HPSE2: variants seen among roughly 807,000 people sequenced by gnomAD.
The protein encoded by HPSE2 is inactive heparanase-2.
Under a neutral mutation model 60.5 loss-of-function variants are expected in HPSE2, and 38 were observed. That is an observed-to-expected ratio of 0.63 (90% CI 0.48 to 0.82). The LOEUF is 0.82. Ranked by LOEUF, HPSE2 falls within the 40% of genes least tolerant of loss-of-function variation. The pLI is 0.00. For missense variants in HPSE2, 713 were observed against 740.4 expected (o/e 0.96, Z 0.43); for synonymous variants, 295 against 293.2 (o/e 1.01, Z -0.06).
chr10:99,005,634 T>A (rs1956873863), intron 3 of HPSE2, among the ~76,000 whole-genome samples: 1 of 152,190 alleles, frequency 6.6e-6, no homozygotes, highest in Non-Finnish European at 1.5e-5. Context: ...TTGAACTGTT[T>A]TTTAGGCAGT....
chr10:98,574,116 G>T (rs566913349), intron 9 of HPSE2, among the ~76,000 whole-genome samples: 1 of 152,024 alleles, frequency 6.6e-6, no homozygotes, highest in African/African-American at 2.4e-5. Flanking sequence ...GCATATTCTG[G>T]ACATTTTGTA....
Position 99,009,621 on chromosome 10 carries a change from G to A in HPSE2, c.610+134617C>T, listed in dbSNP as rs1956968296. On this transcript the variant is annotated intron_variant, in intron 3 of 11. Coordinates refer to ENST00000370552, the MANE Select transcript of HPSE2 (RefSeq NM_021828.5). ...TTCCTGTAGCACCTGGTTTCCATAG[G>A]GGTTTCATGTCCAAGTCTGATTAAA... Among the ~76,000 whole-genome samples, 3 of 152,210 alleles carry A rather than the reference G, an allele frequency of 2.0e-5. No individual in the cohort carries two copies. In the East Asian group the frequency reaches 5.8e-4, roughly 29 times the overall value.
At chr10:98,589,574 G>T (rs1206167345) in intron 9 of HPSE2, among the ~76,000 whole-genome samples, 2 of 152,156 alleles carry the variant, frequency 1.3e-5, no homozygotes, top group Admixed American at 1.3e-4. Flanking sequence ...CCCAATAAAA[G>T]AAATCAGCCC....
chr10:98,771,246 T>C (rs1016297650), intron 3 of HPSE2, among the ~76,000 whole-genome samples: 5 of 152,202 alleles, frequency 3.3e-5, no homozygotes, highest in Non-Finnish European at 5.9e-5. Flanking sequence ...GATTCAGAGA[T>C]GTTTGAATAC....
Position 99,232,453 on chromosome 10 carries a change from A to C in HPSE2, c.343T>G (p.Phe115Val). 1 of 1,559,088 alleles carries C rather than the reference A, an allele frequency of 6.4e-7. No homozygotes were observed. Among genetic ancestry groups the C allele is most frequent in the Non-Finnish European group, 8.7e-7 (1 of 1,151,212 alleles). ...ARGLSPAFLR[F>V]GGKRTDFLQF... ...AGGAAGTCGGTCCTTTTGCCCCCGAAGCGCAGAAAGGCGGGCGAAAGTCCC... is the reference window on the plus strand; with the variant it reads ...AGGAAGTCGGTCCTTTTGCCCCCGACGCGCAGAAAGGCGGGCGAAAGTCCC... The change falls in exon 2 of 12, where the codon TTC becomes GTC. Residue 115 changes from phenylalanine to valine, a missense_variant. By Grantham distance (50) the Phe-to-Val change is conservative. Coordinates refer to ENST00000370552, the MANE Select transcript of HPSE2 (RefSeq NM_021828.5).
intron 8 of HPSE2, among the ~76,000 whole-genome samples, chr10:98,615,544 G>A (rs970072612): frequency 6.6e-6 from 1 of 152,148 alleles, no homozygotes; most frequent in African/African-American, 2.4e-5. Flanking sequence ...AGTAGTCAAT[G>A]CAATAATAAT....
chr10:99,154,932 A>T (rs1846469474), intron 2 of HPSE2, among the ~76,000 whole-genome samples: 1 of 151,838 alleles, frequency 6.6e-6, no homozygotes, highest in African/African-American at 2.4e-5. Context: ...TGGAAAACAA[A>T]AAAAGGCAGG....
At chr10:98,860,618 C>G (rs1952434422) in intron 3 of HPSE2, among the ~76,000 whole-genome samples, 1 of 152,126 alleles carries the variant, frequency 6.6e-6, no homozygotes, top group African/African-American at 2.4e-5. Context: ...AGTCACACTT[C>G]TAGTAAGTGC....
At chr10:99,252,830 T>G in the HPSE2 span, among the ~76,000 whole-genome samples, 21 of 139,768 alleles carry the variant, frequency 1.5e-4, no homozygotes, top group Non-Finnish European at 3.0e-4. Context: ...TGAGCCAAGA[T>G]AGCACCACTG....
intron 3 of HPSE2, among the ~76,000 whole-genome samples, chr10:98,771,618 TA>T (rs1393779376): frequency 6.6e-6 from 1 of 152,164 alleles, no homozygotes; most frequent in Non-Finnish European, 1.5e-5. Flanking sequence ...GATGTATCAA[TA>T]GGAGCCAGAG....
chr10:98,490,861 T>C (rs746214813), intron 9 of HPSE2, among the ~76,000 whole-genome samples: 109 of 152,348 alleles, frequency 7.2e-4, no homozygotes, highest in Non-Finnish European at 1.4e-3. Flanking sequence ...CCATGTGTAA[T>C]TGATTTAAAA....
chr10:99,012,416 T>C (rs1957038923), intron 3 of HPSE2, among the ~76,000 whole-genome samples: 1 of 152,210 alleles, frequency 6.6e-6, no homozygotes. Flanking sequence ...CACAATATCA[T>C]GCTTTTTCCT....
chr10:99,164,105 C>T (rs1422278105), intron 2 of HPSE2, among the ~76,000 whole-genome samples: 2 of 151,022 alleles, frequency 1.3e-5, no homozygotes, highest in East Asian at 1.9e-4. Context: ...TGGATCTCAC[C>T]TACACCAATA....
intron 3 of HPSE2, among the ~76,000 whole-genome samples, chr10:98,801,463 A>C (rs1950905153): frequency 1.3e-5 from 2 of 152,166 alleles, no homozygotes; most frequent in African/African-American, 4.8e-5. Context: ...AAAAACCTAA[A>C]GACCCCATCA....
intron 3 of HPSE2, among the ~76,000 whole-genome samples, chr10:99,112,422 GTT>G (rs769436722): frequency 7.1e-6 from 1 of 141,406 alleles, no homozygotes; most frequent in Non-Finnish European, 1.5e-5. Flanking sequence ...GTTGTGTTTT[GTT>G]TTGTTTTGTT....
At position 98,954,649 on chromosome 10, in the gene HPSE2, C is replaced by T. The variant is rs912684486; in HGVS notation, c.610+189589G>A. 5.9e-5 allele frequency among the ~76,000 whole-genome samples: 9 copies of T among 152,198 alleles called. 2 individuals are homozygous for T. The highest frequency in any genetic ancestry group is 2.4e-5 in the African/African-American group (1 of 41,540). On this transcript the variant is annotated intron_variant, in intron 3 of 11. Transcript: ENST00000370552. ...GCAAGTTGAACACCTTTCGGCATCACGTAGCCACTGGGATCCTGAAAGCAC... is the reference window on the plus strand; with the variant it reads ...GCAAGTTGAACACCTTTCGGCATCATGTAGCCACTGGGATCCTGAAAGCAC...
At chr10:99,183,633 G>C (rs970463317) in intron 2 of HPSE2, among the ~76,000 whole-genome samples, 1 of 152,126 alleles carries the variant, frequency 6.6e-6, no homozygotes, top group African/African-American at 2.4e-5. Context: ...TTGATGCTGA[G>C]CTCCCATCTC....
chr10:98,898,663 A>G (rs1953569115), intron 3 of HPSE2, among the ~76,000 whole-genome samples: 1 of 152,166 alleles, frequency 6.6e-6, no homozygotes, highest in Admixed American at 6.6e-5. Flanking sequence ...GACACAATCC[A>G]TTTGACAAAA....
intron 9 of HPSE2, among the ~76,000 whole-genome samples, chr10:98,590,062 C>G (rs1341072351): frequency 6.6e-6 from 1 of 152,114 alleles, no homozygotes; most frequent in Non-Finnish European, 1.5e-5. Context: ...ATCACTACTT[C>G]TCTACAAAGC....
Sources: gnomAD v4.1 joint callset for allele counts (sites outside exome capture counted in the v4.1 genomes callset) on GRCh38, gnomAD v4.1.1 for gene constraint, MANE v1.5 for transcripts, NCBI Gene and HGNC (gene_info 2026-07-23, HGNC 2026-07-21) for gene names.